ZMIZ1: variants seen among roughly 807,000 people sequenced by gnomAD.
ZMIZ1 encodes the protein zinc finger MIZ-type containing 1.
ZMIZ1 carries 17 observed loss-of-function variants against 113.9 expected under a neutral mutation model. The observed-to-expected ratio is 0.15, with a 90% CI of 0.10 to 0.22. The LOEUF (loss-of-function observed/expected upper bound fraction) is 0.22. Ranked by LOEUF, ZMIZ1 falls within the 10% of genes least tolerant of loss-of-function variation. ZMIZ1 has a pLI of 1.00. For missense variants in ZMIZ1, 1,059 were observed against 1,477.8 expected (o/e 0.72, Z 4.65); for synonymous variants, 607 against 603.1 (o/e 1.01, Z -0.09).
chr10:79,310,872 C>T lies in ZMIZ1; in HGVS notation c.2836-52C>T, dbSNP rs1226446097. 1.9e-6 allele frequency: 3 copies of T among 1,566,820 alleles called. No homozygotes were observed. In the African/African-American group the frequency reaches 4.1e-5, roughly 21 times the overall value. On this transcript the variant is annotated intron_variant, in intron 23 of 24. Coordinates refer to ENST00000334512, the MANE Select transcript of ZMIZ1 (RefSeq NM_020338.4). ...GTTTCATTTTCTCCAGGCATCATCGCCGTGCCTCCTCACCTCACCTCTCTT... is the reference window on the plus strand; with the variant it reads ...GTTTCATTTTCTCCAGGCATCATCGTCGTGCCTCCTCACCTCACCTCTCTT...
Position 79,306,083 on chromosome 10 carries a change from C to T in ZMIZ1, c.2424-17C>T, listed in dbSNP as rs201865470. ...AGGCACCCCGGAGCCTCAGCTCTGC[C>T]ACCCTTCCTCCCCCAGCTCCGAGTT... On this transcript the variant is annotated splice_polypyrimidine_tract_variant and intron_variant, in intron 21 of 24. Coordinates refer to ENST00000334512, the MANE Select transcript of ZMIZ1 (RefSeq NM_020338.4). The T allele has an allele frequency of 1.1e-4, 169 of 1,607,038 alleles. No homozygotes were observed. In the East Asian group the frequency reaches 2.0e-3, roughly 19 times the overall value.
intron 3 of ZMIZ1, among the ~76,000 whole-genome samples, chr10:79,142,846 T>C (rs1845331632): frequency 6.6e-6 from 1 of 152,214 alleles, no homozygotes; most frequent in Non-Finnish European, 1.5e-5. Context: ...GGGCTCCAGG[T>C]GGCAGGTCAC....
chr10:79,271,813 GGA>G (rs1851965529), intron 7 of ZMIZ1, among the ~76,000 whole-genome samples: 1 of 152,156 alleles, frequency 6.6e-6, no homozygotes, highest in African/African-American at 2.4e-5. Flanking sequence ...AGGTGGGCCT[GGA>G]GCCTGCTGGG....
At chr10:79,265,289 G>A (rs1851528492) in intron 7 of ZMIZ1, among the ~76,000 whole-genome samples, 1 of 152,046 alleles carries the variant, frequency 6.6e-6, no homozygotes, top group African/African-American at 2.4e-5. Context: ...AGCAGGTAGG[G>A]CAGGGTGAGC....
intron 7 of ZMIZ1, among the ~76,000 whole-genome samples, chr10:79,240,841 C>T (rs1218791883): frequency 6.6e-6 from 1 of 152,004 alleles, no homozygotes; most frequent in Non-Finnish European, 1.5e-5. Flanking sequence ...GCCACCAGGT[C>T]TGTCCCCCTC....
intron 6 of ZMIZ1, among the ~76,000 whole-genome samples, chr10:79,213,447 A>G (rs1041654312): frequency 2.0e-5 from 3 of 152,300 alleles, no homozygotes; most frequent in South Asian, 4.1e-4. Context: ...AAAGGAGGCT[A>G]TTGGAGCCAG....
At chr10:79,156,331 G>A (rs1845901949) in intron 3 of ZMIZ1, among the ~76,000 whole-genome samples, 1 of 152,080 alleles carries the variant, frequency 6.6e-6, no homozygotes, top group African/African-American at 2.4e-5. Flanking sequence ...GGGACCCTAG[G>A]TTTGCGTGGC....
chr10:79,248,874 T>TAGTC (rs902670467), intron 7 of ZMIZ1, among the ~76,000 whole-genome samples: 8 of 152,050 alleles, frequency 5.3e-5, no homozygotes, highest in African/African-American at 9.7e-5. Context: ...TGCCAGCGGG[T>TAGTC]AGTCTCTGGG....
At chr10:79,302,035 C>A in intron 17 of ZMIZ1, 72 bp from the exon 18 acceptor site, 1 of 1,505,154 alleles carries the variant, frequency 6.6e-7, no homozygotes, top group South Asian at 1.1e-5. Context: ...CAGTCTAGGG[C>A]TGCTGAGGCT....
At position 79,076,214 on chromosome 10, in the gene ZMIZ1, C is replaced by A. The variant is rs919641772; in HGVS notation, c.-337+6944C>A. ...GGTCAGCAGCGAATGGGTGACCGATCTGGGCCTGGAACCCCATCTCCGCCA... is the reference window on the plus strand; with the variant it reads ...GGTCAGCAGCGAATGGGTGACCGATATGGGCCTGGAACCCCATCTCCGCCA... On this transcript the variant is annotated intron_variant, in intron 1 of 24. Coordinates refer to ENST00000334512, the MANE Select transcript of ZMIZ1 (RefSeq NM_020338.4). Among the ~76,000 whole-genome samples the A allele has an allele frequency of 1.4e-4, 22 of 152,338 alleles. No individual in the cohort carries two copies. In the South Asian group the frequency reaches 1.4e-3, roughly 10 times the overall value.
intron 4 of ZMIZ1, among the ~76,000 whole-genome samples, chr10:79,198,399 A>G (rs74704829): frequency 4.0e-5 from 6 of 149,572 alleles, no homozygotes; most frequent in Non-Finnish European, 7.4e-5. Flanking sequence ...ATTTATTTTT[A>G]AATTTTCTTT....
At chr10:79,224,843 GA>G in intron 7 of ZMIZ1, among the ~76,000 whole-genome samples, 1 of 152,304 alleles carries the variant, frequency 6.6e-6, no homozygotes, top group African/African-American at 2.4e-5. Context: ...GAGGATCCCA[GA>G]AAGCACTGAT....
intron 4 of ZMIZ1, among the ~76,000 whole-genome samples, chr10:79,181,363 T>C (rs1346161122): frequency 2.0e-5 from 3 of 152,196 alleles, no homozygotes; most frequent in African/African-American, 7.2e-5. Flanking sequence ...GCAGATGCAG[T>C]TGTGGTGTCA....
chr10:79,119,971 T>C (rs1474864319), intron 2 of ZMIZ1, among the ~76,000 whole-genome samples: 3 of 121,010 alleles, frequency 2.5e-5, no homozygotes, highest in Non-Finnish European at 3.7e-5. Context: ...TGTCCCACTC[T>C]CTGCTCCGTG....
In ZMIZ1 at chr10:79,269,023, C is replaced by T. The variant is rs112946305; in HGVS notation, c.281-8158C>T. Among the ~76,000 whole-genome samples, 1,115 of 152,188 alleles carry T rather than the reference C, an allele frequency of 7.3e-3. 18 individuals carry two copies. Among genetic ancestry groups the T allele is most frequent in the African/African-American group, 0.025 (1,049 of 41,526 alleles). ...AGGGGCCCGTCTTCCTGAGGCAGCT[C>T]GAGGTGCTCCCTGGGATTCTAGTGG... is the stretch of plus-strand genomic sequence containing the variant. On this transcript the variant is annotated intron_variant, in intron 7 of 24. Transcript: ENST00000334512.
chr10:79,264,244 C>T (rs1371277999), intron 7 of ZMIZ1, among the ~76,000 whole-genome samples: 1 of 152,190 alleles, frequency 6.6e-6, no homozygotes, highest in Non-Finnish European at 1.5e-5. Flanking sequence ...GACCTTGTCA[C>T]CTTGCCTCTT....
intron 1 of ZMIZ1, among the ~76,000 whole-genome samples, chr10:79,095,104 T>C (rs1197679180): frequency 6.6e-6 from 1 of 152,216 alleles, no homozygotes; most frequent in African/African-American, 2.4e-5. Context: ...GTTCATATCC[T>C]GTGTCTTCCA....
intron 1 of ZMIZ1, among the ~76,000 whole-genome samples, chr10:79,075,923 A>G (rs1842459278): frequency 6.6e-6 from 1 of 152,046 alleles, no homozygotes; most frequent in Non-Finnish European, 1.5e-5. Flanking sequence ...TCACTTCCCA[A>G]TCCGCAGGGG....
chr10:79,268,812 C>T (rs541679272), intron 7 of ZMIZ1, among the ~76,000 whole-genome samples: 53 of 152,240 alleles, frequency 3.5e-4, no homozygotes, highest in African/African-American at 1.2e-3. Context: ...GTCCTCTGAC[C>T]GCGTTGCAGA....
Sources: gnomAD v4.1 joint callset for allele counts (sites outside exome capture counted in the v4.1 genomes callset) on GRCh38, gnomAD v4.1.1 for gene constraint, MANE v1.5 for transcripts, NCBI Gene and HGNC (gene_info 2026-07-23, HGNC 2026-07-21) for gene names.